NARS2: variants seen among roughly 807,000 people sequenced by gnomAD.
The protein encoded by NARS2 is asparaginyl-tRNA synthetase 2, mitochondrial.
A neutral mutation model predicts 62.9 loss-of-function variants in NARS2; 60 were observed. The observed-to-expected ratio is 0.95, with a 90% CI of 0.77 to 1.18. NARS2 has a LOEUF of 1.18. NARS2 is among the 50% of genes most tolerant of loss of function. The probability of loss-of-function intolerance (pLI) is 0.00; values close to 1 mark genes in which losing one functional copy is unlikely to be tolerated. For missense variants in NARS2, 619 were observed against 576.4 expected (o/e 1.07, Z -0.76); for synonymous variants, 196 against 200.0 (o/e 0.98, Z 0.17).
At chr11:78,461,136 A>C (rs919829423) in intron 11 of NARS2, among the ~76,000 whole-genome samples, 1 of 152,222 alleles carries the variant, frequency 6.6e-6, no homozygotes, top group Non-Finnish European at 1.5e-5. Context: ...ATCCCTGAGG[A>C]TACTGAGGGA....
chr11:78,556,888 A>G (rs1327542584), intron 5 of NARS2, among the ~76,000 whole-genome samples: 1 of 152,252 alleles, frequency 6.6e-6, no homozygotes, highest in Non-Finnish European at 1.5e-5. Context: ...GATAAGTAAC[A>G]TCAACAGTGA....
chr11:78,530,223 G>A lies in NARS2; in HGVS notation c.595-1287C>T, dbSNP rs934230760. On this transcript the variant is annotated intron_variant, in intron 5 of 13. Transcript: ENST00000281038. ...AGGGTATTGCTTCCAAAGATATTTA[G>A]TACTCAAGACTAAATACTTGATCTG... Among the ~76,000 whole-genome samples, 7 of 151,514 alleles carry A rather than the reference G, an allele frequency of 4.6e-5. No individual in the cohort carries two copies. In the East Asian group the frequency reaches 7.8e-4, roughly 17 times the overall value.
intron 6 of NARS2, among the ~76,000 whole-genome samples, chr11:78,514,925 C>A (rs1860847243): frequency 6.6e-6 from 1 of 152,116 alleles, no homozygotes; most frequent in South Asian, 2.1e-4. Flanking sequence ...GTGAATTAAG[C>A]AGATATTTCT....
intron 11 of NARS2, among the ~76,000 whole-genome samples, chr11:78,451,016 T>C (rs1357409518): frequency 2.0e-5 from 3 of 152,180 alleles, no homozygotes; most frequent in Non-Finnish European, 1.5e-5. Context: ...AACATTCTTC[T>C]TTTCTCTTTT....
rs557155713 is a variant in NARS2 at position 78,469,187 on chromosome 11, G to A, written c.1026+60C>T. The A allele has an allele frequency of 2.2e-5, 25 of 1,136,856 alleles. No individual in the cohort carries two copies. In the South Asian group the frequency reaches 2.9e-4, roughly 13 times the overall value. 70.4% of individuals were successfully genotyped at this position (1,136,856 alleles called of 1,614,324 possible). On this transcript the variant is annotated intron_variant, in intron 10 of 13. Transcript: ENST00000281038. ...TTTTGAAAGATTCTTAACACAGTAA[G>A]CTAAAGACAAGAAGGAAGCATTTTC...
chr11:78,488,058 TG>T (rs900147520), intron 7 of NARS2, among the ~76,000 whole-genome samples: 2 of 152,274 alleles, frequency 1.3e-5, no homozygotes, highest in South Asian at 2.1e-4. Context: ...ATACAACAGA[TG>T]TTTTTTTCTC....
At chr11:78,441,421 C>T (rs1857573410) in intron 12 of NARS2, among the ~76,000 whole-genome samples, 1 of 152,016 alleles carries the variant, frequency 6.6e-6, no homozygotes, top group Admixed American at 6.6e-5. Context: ...AAGAAAAGCA[C>T]TATTATTAGG....
intron 5 of NARS2, among the ~76,000 whole-genome samples, chr11:78,544,166 TCTCC>T (rs533404569): frequency 2.1e-3 from 320 of 152,252 alleles, no homozygotes; most frequent in African/African-American, 7.4e-3. Flanking sequence ...CTTCTGTACC[TCTCC>T]CTGATTTAAT....
At chr11:78,467,850 TTTG>T (rs985103397) in intron 10 of NARS2, among the ~76,000 whole-genome samples, 2 of 152,008 alleles carry the variant, frequency 1.3e-5, no homozygotes, top group African/African-American at 2.4e-5. Flanking sequence ...ACAATCTTCT[TTTG>T]TTGTTGTTCT....
At chr11:78,571,286 A>G in intron 2 of NARS2, 49 bp downstream of exon 2, 1 of 1,183,722 alleles carries the variant, frequency 8.4e-7, no homozygotes, top group Middle Eastern at 1.9e-4. Context: ...GAGAAGCACT[A>G]GAGGTGAAAA....
intron 10 of NARS2, among the ~76,000 whole-genome samples, chr11:78,468,476 C>T (rs1425643946): frequency 2.7e-5 from 4 of 148,756 alleles, no homozygotes; most frequent in Non-Finnish European, 5.9e-5. Context: ...GTGATCTCTG[C>T]TCACTGCAGA....
chr11:78,449,038 T>C (rs1857865898), intron 11 of NARS2, among the ~76,000 whole-genome samples: 1 of 152,194 alleles, frequency 6.6e-6, no homozygotes, highest in Non-Finnish European at 1.5e-5. Context: ...ACACTGACTT[T>C]TCTCTCTGGC....
At chr11:78,535,674 G>C (rs938243939) in intron 5 of NARS2, among the ~76,000 whole-genome samples, 1 of 151,046 alleles carries the variant, frequency 6.6e-6, no homozygotes, top group African/African-American at 2.4e-5. Flanking sequence ...TTATTGCCGA[G>C]GCTGGAGTGC....
At position 78,463,890 on chromosome 11, in the gene NARS2, C is replaced by T. The variant is rs530574998; in HGVS notation, c.1164+1986G>A. 1.8e-3 allele frequency among the ~76,000 whole-genome samples: 275 copies of T among 152,190 alleles called. 2 individuals carry two copies. Among genetic ancestry groups the T allele is most frequent in the South Asian group, 3.5e-3 (17 of 4,820 alleles). ...CACTATTTCTATTTGATAGTCCAAA[C>T]CAAAGCAGTCTAAGCCTCCTCCTGC... On this transcript the variant is annotated intron_variant, in intron 11 of 13. Transcript: ENST00000281038.
At position 78,478,432 on chromosome 11, in the gene NARS2, A is replaced by T. The variant is rs1458474196; in HGVS notation, c.959+6T>A. 9.6e-7 allele frequency: 1 copy of T among 1,042,384 alleles called. No individual in the cohort carries two copies. Among genetic ancestry groups the T allele is most frequent in the Non-Finnish European group, 1.4e-6 (1 of 733,492 alleles). The allele number at this position is 1,042,384 out of a possible 1,614,324, so 64.6% of individuals were successfully genotyped here. ...ATAAAGTTCAAAAAGTATAACATCT[A>T]CTTACATTAAAAAGTTGTTTTTTAG... On this transcript the variant is annotated splice_donor_region_variant and intron_variant, in intron 9 of 13. Coordinates refer to ENST00000281038, the MANE Select transcript of NARS2 (RefSeq NM_024678.6).
intron 3 of NARS2, among the ~76,000 whole-genome samples, chr11:78,566,722 A>G (rs190007279): frequency 6.6e-6 from 1 of 152,334 alleles, no homozygotes; most frequent in Non-Finnish European, 1.5e-5. Flanking sequence ...ATCATTCATA[A>G]TCAATTGGTG....
chr11:78,500,271 T>G (rs1452804057), intron 6 of NARS2, among the ~76,000 whole-genome samples: 1 of 152,186 alleles, frequency 6.6e-6, no homozygotes, highest in Non-Finnish European at 1.5e-5. Context: ...AACTAAGTTC[T>G]TAATTTCTGT....
In NARS2 at chr11:78,574,566, T is replaced by A; in HGVS notation, c.-78A>T. The stretch of plus-strand genomic sequence containing the variant: ...CCCCGCCTGCAGCGGCCCTCCTTTC[T>A]CAGCTGCTCCCCTTCCGCGGCCGCA... On this transcript the variant is annotated 5_prime_UTR_variant, in exon 1 of 14. Coordinates refer to ENST00000281038, the MANE Select transcript of NARS2 (RefSeq NM_024678.6). The A allele has an allele frequency of 6.9e-6, 10 of 1,458,738 alleles. No individual in the cohort carries two copies. Among genetic ancestry groups the A allele is most frequent in the Non-Finnish European group, 9.1e-6 (10 of 1,099,514 alleles). The allele number at this position is 1,458,738 out of a possible 1,614,324, so 90.4% of individuals were successfully genotyped here.
chr11:78,466,673 G>A (rs1257915972), intron 10 of NARS2, among the ~76,000 whole-genome samples: 2 of 152,048 alleles, frequency 1.3e-5, no homozygotes, highest in African/African-American at 4.8e-5. Context: ...AGTAGAGATG[G>A]GGTTTCACTA....
Sources: gnomAD v4.1 joint callset for allele counts (sites outside exome capture counted in the v4.1 genomes callset) on GRCh38, gnomAD v4.1.1 for gene constraint, MANE v1.5 for transcripts, NCBI Gene and HGNC (gene_info 2026-07-23, HGNC 2026-07-21) for gene names.